THTPA: variants seen among roughly 807,000 people sequenced by gnomAD.
THTPA encodes thiamine triphosphatase.
In THTPA, 16 loss-of-function variants were observed where a neutral mutation model predicts 16.5. The observed-to-expected ratio is 0.97, with a 90% CI of 0.66 to 1.47. The LOEUF is 1.47. THTPA is among the 40% of genes most tolerant of loss of function. The pLI, the probability that THTPA is intolerant of heterozygous loss-of-function variation, is 0.00. For missense variants in THTPA, 281 were observed against 280.9 expected (o/e 1.00, Z 0.00); for synonymous variants, 110 against 115.5 (o/e 0.95, Z 0.30).
rs757375466 is a variant in THTPA at position 23,556,831 on chromosome 14, T to TG, written c.80dup (p.Thr28HisfsTer14). Reference sequence around the variant, plus strand: ...GGCACAGAGGAGCGGCTGCAGGAGTTGGGGGGCACCCTGGAGTACCGGGTC... The same window carrying TG: ...GGCACAGAGGAGCGGCTGCAGGAGTTGGGGGGGCACCCTGGAGTACCGGGTC... On this transcript the variant is annotated frameshift_variant, in exon 1 of 2. Coordinates refer to ENST00000288014, the MANE Select transcript of THTPA (RefSeq NM_024328.6). LOFTEE classifies it high-confidence loss of function. 1 of 1,613,308 alleles carries TG rather than the reference T, an allele frequency of 6.2e-7. No individual in the cohort carries two copies.
Position 23,557,040 on chromosome 14 carries a change from G to T in THTPA, c.283G>T (p.Val95Leu). Reference protein sequence around the residue: ...EPTIVAQLCKVLRADGLGAGD... With the variant: ...EPTIVAQLCKLLRADGLGAGD... Reference sequence around the variant, plus strand: ...TACAATTGTGGCCCAACTCTGTAAGGTGCTGCGGGCTGACGGCCTGGGGGC... The same window carrying T: ...TACAATTGTGGCCCAACTCTGTAAGTTGCTGCGGGCTGACGGCCTGGGGGC... The change falls in exon 1 of 2, where the codon GTG becomes TTG. Residue 95 changes from valine to leucine, a missense_variant. By Grantham distance (32) the Val-to-Leu change is conservative. Transcript: ENST00000288014. 2 of 1,614,260 alleles carry T rather than the reference G, an allele frequency of 1.2e-6. No homozygotes were observed. Among genetic ancestry groups the T allele is most frequent in the African/African-American group, 1.3e-5 (1 of 75,070 alleles).
upstream of THTPA, among the ~76,000 whole-genome samples, chr14:23,553,572 C>T (rs1010980561): frequency 4.7e-5 from 7 of 148,916 alleles, no homozygotes; most frequent in African/African-American, 1.7e-4. Flanking sequence ...GCACTCCAGC[C>T]TGGGCAACAA....
Position 23,556,451 on chromosome 14 carries a change from T to C in THTPA, c.-307T>C. On this transcript the variant is annotated 5_prime_UTR_variant, in exon 1 of 2. Coordinates refer to ENST00000288014, the MANE Select transcript of THTPA (RefSeq NM_024328.6). ...TGGCAAGGTGTAGAGAGGGGGGCGT[T>C]GAAAGGACACCCGCTACCCGGCCTG... The C allele has an allele frequency of 2.9e-6, 1 of 344,772 alleles. No individual in the cohort carries two copies. The highest frequency in any genetic ancestry group is 5.4e-5 in the East Asian group (1 of 18,542). 21.4% of individuals were successfully genotyped at this position (344,772 alleles called of 1,614,324 possible).
In THTPA at chr14:23,556,821, C is replaced by T. The variant is rs1882426941; in HGVS notation, c.64C>T (p.Leu22=). Residue 22 remains leucine (L), a synonymous_variant, in exon 1 of 2, where the codon CTG becomes TTG. Coordinates refer to ENST00000288014, the MANE Select transcript of THTPA (RefSeq NM_024328.6). ...TCCAGGGCCTGGCACAGAGGAGCGG[C>T]TGCAGGAGTTGGGGGGCACCCTGGA... ...FLPGPGTEER[L]QELGGTLEYR... The T allele has an allele frequency of 6.2e-7, 1 of 1,613,472 alleles. No individual in the cohort carries two copies. The highest frequency in any genetic ancestry group is 2.2e-5 in the East Asian group (1 of 44,840).
chr14:23,524,330 A>T, the THTPA span: 25 of 1,536,268 alleles, frequency 1.6e-5, no homozygotes, highest in East Asian at 5.6e-4. This position sits in a 1 kb window ranked among gnomAD's most constrained non-coding sequence, Gnocchi z 5.6. Context: ...ACGGTACAGG[A>T]TCTCTAGCTG....
the THTPA span, among the ~76,000 whole-genome samples, chr14:23,515,298 G>A: frequency 6.6e-6 from 1 of 152,144 alleles, no homozygotes; most frequent in Non-Finnish European, 1.5e-5. Context: ...GAGATGAACT[G>A]GTTCTTTCTC....
At chr14:23,520,633 T>C in the THTPA span, among the ~76,000 whole-genome samples, 2 of 151,738 alleles carry the variant, frequency 1.3e-5, no homozygotes, top group Admixed American at 1.3e-4. This position sits in a 1 kb window ranked among gnomAD's most constrained non-coding sequence, Gnocchi z 8.7. Flanking sequence ...CTCCCCAGAG[T>C]TCAGGCTCTT....
chr14:23,542,516 A>C, the THTPA span, among the ~76,000 whole-genome samples: 3 of 152,128 alleles, frequency 2.0e-5, no homozygotes, highest in African/African-American at 4.8e-5. Flanking sequence ...GCTCTGCTGC[A>C]CAGATCTATG....
the THTPA span, chr14:23,535,119 T>C: frequency 1.3e-6 from 2 of 1,536,128 alleles, no homozygotes; most frequent in South Asian, 2.4e-5. The surrounding 1 kb of genome is among the most constrained non-coding windows in gnomAD (Gnocchi z 4.5). Flanking sequence ...TCTCCTTTGG[T>C]GGGACGAGGC....
At chr14:23,557,414 T>C in intron 1 of THTPA, 110 bp downstream of exon 1, 1 of 1,238,534 alleles carries the variant, frequency 8.1e-7, no homozygotes, top group Non-Finnish European at 1.1e-6. Context: ...AATTTTTTTT[T>C]TAATAGAGAC....
At chr14:23,529,966 C>T in the THTPA span, among the ~76,000 whole-genome samples, 1 of 152,184 alleles carries the variant, frequency 6.6e-6, no homozygotes, top group African/African-American at 2.4e-5. Flanking sequence ...AGTGCCTAGC[C>T]TCTCGTGGCT....
At chr14:23,523,808 C>T in the THTPA span, 2 of 1,536,252 alleles carry the variant, frequency 1.3e-6, no homozygotes, top group Middle Eastern at 1.7e-4. The surrounding 1 kb of genome is among the most constrained non-coding windows in gnomAD (Gnocchi z 4.1). Flanking sequence ...CCCTCCAGCC[C>T]CAGGGGATTC....
the THTPA span, chr14:23,526,366 C>A: frequency 6.5e-7 from 1 of 1,536,340 alleles, no homozygotes; most frequent in Non-Finnish European, 8.7e-7. Context: ...ACACAGTGCA[C>A]TTATAGGGCC....
At chr14:23,551,998 C>A (rs897737532), upstream of THTPA, among the ~76,000 whole-genome samples, 2 of 152,230 alleles carry the variant, frequency 1.3e-5, no homozygotes, top group Non-Finnish European at 2.9e-5. This position sits in a 1 kb window ranked among gnomAD's most constrained non-coding sequence, Gnocchi z 5.3. Context: ...CATCCTGTGG[C>A]CTGCAGAAAC....
the THTPA span, among the ~76,000 whole-genome samples, chr14:23,540,019 G>A: frequency 4.6e-5 from 7 of 152,152 alleles, no homozygotes; most frequent in African/African-American, 1.7e-4. Context: ...ACAGGGTCTC[G>A]CTCGGTCTCC....
In THTPA at chr14:23,558,837, C is replaced by T. The variant is rs1566605537; in HGVS notation, c.690C>T (p.Gly230=). 1 of 1,614,010 alleles carries T rather than the reference C, an allele frequency of 6.2e-7. No individual in the cohort carries two copies. Residue 230 remains glycine, a synonymous_variant, in exon 2 of 2, where the codon GGC becomes GGT. Transcript: ENST00000288014. ...QETEDPDHCL[G] is the part of the protein sequence containing the mutation. ...CTGAAGATCCTGACCACTGCCTGGG[C>T]TAGGGGTGTCACTTCCTAGAAGGGG...
At position 23,558,969 on chromosome 14, in the gene THTPA, C is replaced by T. The variant is rs1566605830; in HGVS notation, c.*129C>T. On this transcript the variant is annotated 3_prime_UTR_variant, in exon 2 of 2. Coordinates refer to ENST00000288014, the MANE Select transcript of THTPA (RefSeq NM_024328.6). ...CTCTCTCCAGCGCTGCCTGTTTCTT[C>T]CCCCTCCTCTAAGCTACTCTTCCTT... is the stretch of plus-strand genomic sequence containing the variant. The T allele has an allele frequency of 3.5e-6, 4 of 1,137,464 alleles. No homozygotes were observed. The highest frequency in any genetic ancestry group is 3.7e-6 in the Non-Finnish European group (3 of 811,970). 70.5% of individuals were successfully genotyped at this position (1,137,464 alleles called of 1,614,324 possible).
chr14:23,525,809 A>G, the THTPA span: 3 of 1,465,874 alleles, frequency 2.0e-6, no homozygotes, highest in Non-Finnish European at 2.7e-6. The surrounding 1 kb of genome is among the most constrained non-coding windows in gnomAD (Gnocchi z 5.9). Context: ...AGCTAGTGTC[A>G]GCTTGGGCCC....
the THTPA span, among the ~76,000 whole-genome samples, chr14:23,536,657 G>T: frequency 6.6e-6 from 1 of 152,118 alleles, no homozygotes; most frequent in Non-Finnish European, 1.5e-5. Flanking sequence ...TTATTTTATG[G>T]ATGGGGCATC....
Sources: allele counts gnomAD v4.1 joint callset (sites outside exome capture counted in the v4.1 genomes callset), GRCh38; gene constraint gnomAD v4.1.1; non-coding constraint Gnocchi (gnomAD v3.1); transcripts MANE v1.5; gene names NCBI Gene and HGNC (gene_info 2026-07-23, HGNC 2026-07-21).